Variants in ADARB2 observed in about 807,000 individuals in gnomAD.
ADARB2 encodes inactive double-stranded RNA-specific editase B2.
ADARB2 carries 25 observed loss-of-function variants against 62.2 expected under a neutral mutation model. That is an observed-to-expected ratio of 0.40 (90% CI 0.29 to 0.56). ADARB2 has a LOEUF of 0.56. ADARB2 is among the 20% of genes least tolerant of loss of function. The pLI is 0.43. For synonymous variants in ADARB2, 572 were observed against 500.8 expected, an observed-to-expected ratio of 1.14 and a Z score of -1.90; for missense variants, 1,071 against 1,077.4, an observed-to-expected ratio of 0.99 and a Z score of 0.08.
intron 2 of ADARB2, among the ~76,000 whole-genome samples, chr10:1,368,854 AGCC>A (rs1564271367): frequency 3.5e-5 from 1 of 28,936 alleles, no homozygotes; most frequent in African/African-American, 7.1e-5. Context: ...TGAGGGTGGG[AGCC>A]GAGCTCGCCC....
At chr10:1,623,379 A>T (rs1013941979) in intron 1 of ADARB2, among the ~76,000 whole-genome samples, 31 of 152,386 alleles carry the variant, frequency 2.0e-4, no homozygotes, top group African/African-American at 6.3e-4. Flanking sequence ...TGCAACAAAT[A>T]CATGAACTGC....
At chr10:1,295,669 T>C (rs1446109539) in intron 3 of ADARB2, among the ~76,000 whole-genome samples, 8 of 152,320 alleles carry the variant, frequency 5.3e-5, no homozygotes, top group African/African-American at 1.9e-4. Flanking sequence ...AGATCAGAAA[T>C]AGCAGAATGC....
intron 1 of ADARB2, among the ~76,000 whole-genome samples, chr10:1,559,023 A>G (rs990022009): frequency 6.6e-6 from 1 of 152,220 alleles, no homozygotes; most frequent in Non-Finnish European, 1.5e-5. Context: ...GGCTTGGGAA[A>G]GGCGGATAAA....
At chr10:1,386,560 G>T (rs1057495469) in intron 1 of ADARB2, among the ~76,000 whole-genome samples, 1 of 151,920 alleles carries the variant, frequency 6.6e-6, no homozygotes, top group Non-Finnish European at 1.5e-5. Flanking sequence ...ATGAAATATT[G>T]CCAGGGATTA....
At chr10:1,537,702 T>C (rs1832351488) in intron 1 of ADARB2, among the ~76,000 whole-genome samples, 1 of 152,054 alleles carries the variant, frequency 6.6e-6, no homozygotes, top group South Asian at 2.1e-4. Flanking sequence ...CTCAGCAAAC[T>C]AACACAGGAA....
At chr10:1,544,952 AG>A (rs1832496012) in intron 1 of ADARB2, among the ~76,000 whole-genome samples, 1 of 5,938 alleles carries the variant, frequency 1.7e-4, no homozygotes, top group Non-Finnish European at 1.4e-3. Flanking sequence ...ATAATAGCAA[AG>A]TATACACACA....
intron 1 of ADARB2, among the ~76,000 whole-genome samples, chr10:1,502,688 C>T (rs1372975608): frequency 6.6e-6 from 1 of 152,222 alleles, no homozygotes; most frequent in Non-Finnish European, 1.5e-5. Context: ...TGAGCTGGGC[C>T]TCAGGGTGAA....
chr10:1,712,670 G>A (rs1225968988), intron 1 of ADARB2, among the ~76,000 whole-genome samples: 5 of 129,932 alleles, frequency 3.8e-5, no homozygotes, highest in South Asian at 2.9e-4. Context: ...GGCACTGGGC[G>A]GGATCTCGGT....
At chr10:1,486,418 A>G (rs1226088486) in intron 1 of ADARB2, among the ~76,000 whole-genome samples, 3 of 152,200 alleles carry the variant, frequency 2.0e-5, no homozygotes, top group African/African-American at 7.2e-5. Context: ...TCATCTGGAG[A>G]GTCGAACAAT....
Position 1,538,473 on chromosome 10 carries a change from A to T in ADARB2, c.101-159313T>A, listed in dbSNP as rs1295437674. Among the ~76,000 whole-genome samples the T allele has an allele frequency of 2.0e-5, 3 of 152,186 alleles. No individual in the cohort carries two copies. The East Asian group carries it at 5.8e-4, about 29-fold the overall frequency. On this transcript the variant is annotated intron_variant, in intron 1 of 9. Coordinates refer to ENST00000381312, the MANE Select transcript of ADARB2 (RefSeq NM_018702.4). ...TCCCCAAGCATCTGGTAGACGAGAG[A>T]GAAGTGGGCAGCTGTGGCAGAGCCC...
At chr10:1,462,632 A>G (rs1007981132) in intron 1 of ADARB2, among the ~76,000 whole-genome samples, 1 of 118,648 alleles carries the variant, frequency 8.4e-6, no homozygotes, top group Non-Finnish European at 1.8e-5. Flanking sequence ...TATGTACATG[A>G]GTGTATGTGC....
chr10:1,678,390 G>A, intron 1 of ADARB2: 1 of 956,792 alleles, frequency 1.0e-6, no homozygotes, highest in Non-Finnish European at 1.2e-6. Context: ...CGGGCTGAGT[G>A]TCCTTGGGGT....
chr10:1,598,978 G>A (rs1406155749), intron 1 of ADARB2, among the ~76,000 whole-genome samples: 1 of 152,228 alleles, frequency 6.6e-6, no homozygotes, highest in Non-Finnish European at 1.5e-5. Flanking sequence ...CGCAGCTGCC[G>A]GTGTGTGGTG....
chr10:1,384,749 T>C (rs1832511675), intron 1 of ADARB2, among the ~76,000 whole-genome samples: 1 of 152,152 alleles, frequency 6.6e-6, no homozygotes, highest in Admixed American at 6.5e-5. Context: ...AAGTTTGCAC[T>C]GCTGAGACAA....
chr10:1,726,902 G>A (rs1835174263), intron 1 of ADARB2, among the ~76,000 whole-genome samples: 2 of 152,164 alleles, frequency 1.3e-5, no homozygotes, highest in African/African-American at 2.4e-5. Context: ...AGGACAGCGA[G>A]GGCGCCCATC....
chr10:1,468,013 C>T (rs12778089), intron 1 of ADARB2, among the ~76,000 whole-genome samples: 17,161 of 152,206 alleles, frequency 0.11, 1,031 homozygotes, highest in Middle Eastern at 0.21. Context: ...CCGGCTAATG[C>T]GTGGAGCTTC....
intron 4 of ADARB2, among the ~76,000 whole-genome samples, chr10:1,256,520 C>T (rs1186573056): frequency 6.6e-6 from 1 of 152,174 alleles, no homozygotes; most frequent in Non-Finnish European, 1.5e-5. Context: ...CACTGCTAAT[C>T]AGCTATCTCA....
intron 3 of ADARB2, among the ~76,000 whole-genome samples, chr10:1,334,607 T>C (rs544780041): frequency 3.3e-4 from 50 of 152,390 alleles, no homozygotes; most frequent in African/African-American, 1.2e-3. Flanking sequence ...TTTATAACTT[T>C]AATAGATGAA....
chr10:1,285,098 AATC>A (rs1473142654), intron 3 of ADARB2, among the ~76,000 whole-genome samples: 2 of 152,146 alleles, frequency 1.3e-5, no homozygotes, highest in Non-Finnish European at 2.9e-5. Context: ...AAGCCTGAAT[AATC>A]AACAGAAAAG....
Sources: gnomAD v4.1 joint callset for allele counts (sites outside exome capture counted in the v4.1 genomes callset) on GRCh38, gnomAD v4.1.1 for gene constraint, MANE v1.5 for transcripts, NCBI Gene and HGNC (gene_info 2026-07-23, HGNC 2026-07-21) for gene names.